The following AKT3 variants were observed in gnomAD, a reference collection of about 807,000 sequenced individuals.
AKT3 encodes RAC-gamma serine/threonine-protein kinase.
Under a neutral mutation model 65.3 loss-of-function variants are expected in AKT3, and 15 were observed. The ratio of observed to expected loss-of-function variants is 0.23; its 90% CI spans 0.15 to 0.35. The LOEUF (loss-of-function observed/expected upper bound fraction) is 0.35. Among genes scored for constraint, AKT3 ranks in the 10% least tolerant of loss-of-function variants. AKT3 has a pLI of 1.00. For synonymous variants in AKT3, 206 were observed against 183.8 expected (o/e 1.12, Z -0.98); for missense variants, 243 against 576.5 (o/e 0.42, Z 5.92).
intron 2 of AKT3, among the ~76,000 whole-genome samples, chr1:243,823,833 T>A (rs1185013012): frequency 2.0e-5 from 3 of 152,164 alleles, no homozygotes; most frequent in African/African-American, 7.2e-5. Context: ...TCATACTGCC[T>A]AAAATAATTT....
intron 13 of AKT3, among the ~76,000 whole-genome samples, chr1:243,490,071 G>A (rs1356276375): frequency 6.6e-6 from 1 of 152,238 alleles, no homozygotes; most frequent in African/African-American, 2.4e-5. Flanking sequence ...CAGGCAGTAA[G>A]TGCTTGGAAT....
intron 2 of AKT3, among the ~76,000 whole-genome samples, chr1:243,809,293 T>C (rs981725260): frequency 2.6e-5 from 4 of 152,190 alleles, no homozygotes; most frequent in South Asian, 4.1e-4. Flanking sequence ...ACCCATCTCA[T>C]GTGCGGAGAC....
chr1:243,832,839 T>C (rs572871847), intron 2 of AKT3, among the ~76,000 whole-genome samples: 3 of 152,272 alleles, frequency 2.0e-5, no homozygotes, highest in Admixed American at 6.5e-5. Flanking sequence ...TCTAAACATA[T>C]CTAAACATAG....
At chr1:243,750,061 T>C (rs564775667) in intron 2 of AKT3, among the ~76,000 whole-genome samples, 1 of 152,342 alleles carries the variant, frequency 6.6e-6, no homozygotes, top group Non-Finnish European at 1.5e-5. Context: ...TATGGCCTCA[T>C]ATATACTTGA....
intron 4 of AKT3, among the ~76,000 whole-genome samples, chr1:243,661,233 A>C (rs575462761): frequency 6.6e-6 from 1 of 152,236 alleles, no homozygotes; most frequent in South Asian, 2.1e-4. Flanking sequence ...GAACCAAAAA[A>C]GAGCCTGCAT....
chr1:243,501,843 TACTA>T lies in AKT3; in HGVS notation c.*3402_*3405del. 1 of 232,850 alleles carries T rather than the reference TACTA, an allele frequency of 4.3e-6. No individual in the cohort carries two copies. Among genetic ancestry groups the T allele is most frequent in the Non-Finnish European group, 8.5e-6 (1 of 117,854 alleles). 14.4% of individuals were successfully genotyped at this position (232,850 alleles called of 1,614,324 possible). The stretch of plus-strand genomic sequence containing the variant: ...CATCCCTATCATATACGTGTAAAAA[TACTA>T]AGGATGTACAGTGTACAAAAACAGT... On this transcript the variant is annotated 3_prime_UTR_variant, in exon 14 of 14. Coordinates refer to ENST00000673466, the MANE Select transcript of AKT3 (RefSeq NM_005465.7).
intron 2 of AKT3, among the ~76,000 whole-genome samples, chr1:243,768,457 A>T (rs561823822): frequency 6.6e-6 from 1 of 152,324 alleles, no homozygotes; most frequent in South Asian, 2.1e-4. Context: ...ACAGTAGGTC[A>T]AAATGTCATT....
At chr1:243,789,459 A>G (rs1691480243) in intron 2 of AKT3, among the ~76,000 whole-genome samples, 1 of 152,228 alleles carries the variant, frequency 6.6e-6, no homozygotes, top group Non-Finnish European at 1.5e-5. Flanking sequence ...ATAATACTGC[A>G]ACAATTCAGT....
At chr1:243,683,338 C>T (rs1199195029) in intron 3 of AKT3, among the ~76,000 whole-genome samples, 1 of 152,012 alleles carries the variant, frequency 6.6e-6, no homozygotes, top group Non-Finnish European at 1.5e-5. Flanking sequence ...ACATAATAAC[C>T]CTCAATAAAA....
intron 8 of AKT3, among the ~76,000 whole-genome samples, chr1:243,575,392 A>G (rs543382408): frequency 3.3e-5 from 5 of 152,310 alleles, no homozygotes; most frequent in African/African-American, 1.2e-4. Context: ...ATAAGACAGA[A>G]TCTCTTATGA....
At chr1:243,731,737 T>C (rs2148146829) in intron 2 of AKT3, among the ~76,000 whole-genome samples, 1 of 152,326 alleles carries the variant, frequency 6.6e-6, no homozygotes, top group Middle Eastern at 3.4e-3. Flanking sequence ...GTCAGTAAGC[T>C]CTGGGTTGGA....
chr1:243,582,610 C>T (rs1675462369), intron 8 of AKT3, among the ~76,000 whole-genome samples: 1 of 151,930 alleles, frequency 6.6e-6, no homozygotes, highest in African/African-American at 2.4e-5. Flanking sequence ...TAAGGGAATT[C>T]TAAATATGGA....
chr1:243,666,412 A>G (rs1285805696), intron 3 of AKT3, among the ~76,000 whole-genome samples: 1 of 152,174 alleles, frequency 6.6e-6, no homozygotes, highest in East Asian at 1.9e-4. Context: ...CTCTCAGTTT[A>G]CCAATATCAA....
chr1:243,597,080 G>A (rs980929161), intron 8 of AKT3, among the ~76,000 whole-genome samples: 1 of 152,174 alleles, frequency 6.6e-6, no homozygotes, highest in African/African-American at 2.4e-5. Context: ...TGACTGCAAA[G>A]AGGCATGGCA....
intron 12 of AKT3, among the ~76,000 whole-genome samples, chr1:243,539,162 C>G (rs1672122470): frequency 6.6e-6 from 1 of 152,154 alleles, no homozygotes; most frequent in East Asian, 1.9e-4. Flanking sequence ...CCCACGTACA[C>G]CCGGATTTTC....
intron 2 of AKT3, among the ~76,000 whole-genome samples, chr1:243,768,895 C>T (rs1008624129): frequency 6.7e-5 from 10 of 150,258 alleles, no homozygotes; most frequent in Non-Finnish European, 1.3e-4. Context: ...TTAAAGTATA[C>T]AAGCCATAGT....
intron 2 of AKT3, among the ~76,000 whole-genome samples, chr1:243,745,156 T>G (rs1428726686): frequency 2.0e-5 from 3 of 151,842 alleles, no homozygotes; most frequent in Admixed American, 2.0e-4. Context: ...CTGGGCAATA[T>G]GGTAAGCCCG....
At chr1:243,623,858 T>C (rs1373638495) in intron 6 of AKT3, among the ~76,000 whole-genome samples, 3 of 152,248 alleles carry the variant, frequency 2.0e-5, no homozygotes, top group South Asian at 4.1e-4. Context: ...TGTATCCGAT[T>C]GTGTCTGTCT....
At chr1:243,699,562 T>C (rs1685309066) in intron 2 of AKT3, among the ~76,000 whole-genome samples, 1 of 146,642 alleles carries the variant, frequency 6.8e-6, no homozygotes, top group Admixed American at 6.8e-5. Context: ...TGCTGGAAGC[T>C]ATACCTATGT....
Sources: gnomAD v4.1 joint callset for allele counts (sites outside exome capture counted in the v4.1 genomes callset) on GRCh38, gnomAD v4.1.1 for gene constraint, MANE v1.5 for transcripts, NCBI Gene and HGNC (gene_info 2026-07-23, HGNC 2026-07-21) for gene names.